EBAG9: variants seen among roughly 807,000 people sequenced by gnomAD.
EBAG9 encodes the protein receptor-binding cancer antigen expressed on SiSo cells.
A neutral mutation model predicts 30.9 loss-of-function variants in EBAG9; 16 were observed. That is an observed-to-expected ratio of 0.52 (90% CI 0.35 to 0.79). The LOEUF is 0.79. EBAG9 is among the 30% of genes least tolerant of loss of function. EBAG9 has a pLI of 0.01. For missense variants in EBAG9, 197 were observed against 242.1 expected, an observed-to-expected ratio of 0.81 and a Z score of 1.24; for synonymous variants, 93 against 82.8, an observed-to-expected ratio of 1.12 and a Z score of -0.67.
upstream of EBAG9, chr8:109,539,883 G>C (rs1246634448): frequency 2.0e-5 from 3 of 152,318 alleles, no homozygotes; most frequent in Non-Finnish European, 4.4e-5. Context: ...CGGCAGCTCG[G>C]AGCCTCCGCC....
chr8:109,555,924 A>G (rs2131121912), intron 4 of EBAG9, among the ~76,000 whole-genome samples: 1 of 152,280 alleles, frequency 6.6e-6, no homozygotes, highest in South Asian at 2.1e-4. Flanking sequence ...CAGCCACTCA[A>G]TAATTTTCTG....
Position 109,564,761 on chromosome 8 carries a change from A to G in EBAG9, c.*202A>G. ...CTCAAAAAAACAAAAAAGACTTGAG[A>G]CAATGTTTTCTTCAACATGCTCCAA... On this transcript the variant is annotated 3_prime_UTR_variant, in exon 7 of 7. Coordinates refer to ENST00000337573, the MANE Select transcript of EBAG9 (RefSeq NM_004215.5). 3.7e-6 allele frequency: 2 copies of G among 536,854 alleles called. No individual in the cohort carries two copies. Among genetic ancestry groups the G allele is most frequent in the Non-Finnish European group, 6.1e-6 (2 of 325,362 alleles). The allele number at this position is 536,854 out of a possible 1,614,324, so 33.3% of individuals were successfully genotyped here.
At chr8:109,563,517 C>T (rs778866951) in intron 6 of EBAG9, 13 of 1,595,864 alleles carry the variant, frequency 8.1e-6, no homozygotes, top group East Asian at 6.7e-5. Context: ...AGTGGAGTTA[C>T]GGAAAGAGTA....
chr8:109,550,801 C>T lies in EBAG9; in HGVS notation c.-15-9C>T. On this transcript the variant is annotated splice_polypyrimidine_tract_variant and intron_variant, in intron 1 of 6. Coordinates refer to ENST00000337573, the MANE Select transcript of EBAG9 (RefSeq NM_004215.5). ...TTAATGCATTTTTTGTTTTGTGCCT[C>T]TTCCACAGGTTTTGATTCCCACCAT... 1 of 1,555,166 alleles carries T rather than the reference C, an allele frequency of 6.4e-7. No homozygotes were observed. Among genetic ancestry groups the T allele is most frequent in the Non-Finnish European group, 8.8e-7 (1 of 1,133,086 alleles).
At chr8:109,558,950 TC>T (rs1821658285) in intron 5 of EBAG9, among the ~76,000 whole-genome samples, 2 of 152,134 alleles carry the variant, frequency 1.3e-5, no homozygotes, top group Admixed American at 1.3e-4. Context: ...ATCAATGGTT[TC>T]CCCCTTTTCC....
intron 5 of EBAG9, among the ~76,000 whole-genome samples, chr8:109,559,552 T>G (rs1821670798): frequency 6.6e-6 from 1 of 152,056 alleles, no homozygotes; most frequent in Non-Finnish European, 1.5e-5. Context: ...TGGCTCACAC[T>G]TGTAATCCCA....
At position 109,565,380 on chromosome 8, in the gene EBAG9, A is replaced by G. The variant is rs1197975860; in HGVS notation, c.*821A>G. The G allele has an allele frequency of 6.6e-6, 1 of 152,090 alleles. No individual in the cohort carries two copies. The highest frequency in any genetic ancestry group is 1.5e-5 in the Non-Finnish European group (1 of 67,952). The allele number at this position is 152,090 out of a possible 1,614,324, so 9.4% of individuals were successfully genotyped here. A position where few individuals can be genotyped will look rare whatever the true frequency, so the allele number is the denominator to read the frequency against. On this transcript the variant is annotated 3_prime_UTR_variant, in exon 7 of 7. Coordinates refer to ENST00000337573, the MANE Select transcript of EBAG9 (RefSeq NM_004215.5). ...TAGTTCTTCCTTCCTCCCAAAAGCC[A>G]TTAATTTACAAATGCTTAAAGCCAT...
In EBAG9 at chr8:109,549,092, AT is replaced by A. The variant is rs985741091; in HGVS notation, c.-15-1707del. 3.2e-3 allele frequency among the ~76,000 whole-genome samples: 468 copies of A among 145,914 alleles called. 3 individuals are homozygous for A. Among genetic ancestry groups the A allele is most frequent in the African/African-American group, 0.01 (406 of 40,104 alleles). On this transcript the variant is annotated intron_variant, in intron 1 of 6. Transcript: ENST00000337573. ...GAAAGTTCCCTTATACTTTGCTGCA[AT>A]TTTTTTTTTTAACAGGAATGGATGT...
At chr8:109,556,827 A>G (rs1276450427) in intron 4 of EBAG9, 108 bp from the exon 5 acceptor site, 4 of 510,750 alleles carry the variant, frequency 7.8e-6, no homozygotes, top group Non-Finnish European at 1.3e-5. Flanking sequence ...TTTACATTAT[A>G]AATTTTAAGA....
chr8:109,559,186 G>A (rs1821662292), intron 5 of EBAG9, among the ~76,000 whole-genome samples: 1 of 152,160 alleles, frequency 6.6e-6, no homozygotes, highest in East Asian at 1.9e-4. Context: ...GCCCAGTGAG[G>A]TGTTACATGC....
chr8:109,541,872 GTGAT>G (rs1396335714), intron 1 of EBAG9, among the ~76,000 whole-genome samples: 4 of 152,212 alleles, frequency 2.6e-5, no homozygotes, highest in African/African-American at 9.7e-5. Context: ...GCCAGTCAGT[GTGAT>G]TGATAAAATC....
chr8:109,563,972 G>GT (rs1303094395), intron 6 of EBAG9, among the ~76,000 whole-genome samples: 3 of 151,936 alleles, frequency 2.0e-5, no homozygotes, highest in Non-Finnish European at 4.4e-5. Flanking sequence ...GTTCAGCTGT[G>GT]TTCATCATGC....
intron 1 of EBAG9, among the ~76,000 whole-genome samples, chr8:109,545,845 T>A (rs1821374018): frequency 6.6e-6 from 1 of 152,224 alleles, no homozygotes; most frequent in Non-Finnish European, 1.5e-5. Context: ...TCCAGTTCTA[T>A]AACTTATCAG....
intron 4 of EBAG9, 114 bp from the exon 5 acceptor site, chr8:109,556,821 C>T: frequency 2.1e-6 from 1 of 482,118 alleles, no homozygotes; most frequent in South Asian, 6.7e-5. Context: ...TTAGTTTTTA[C>T]ATTATAAATT....
intron 1 of EBAG9, among the ~76,000 whole-genome samples, chr8:109,542,543 A>G (rs1821297290): frequency 1.3e-5 from 2 of 152,184 alleles, no homozygotes; most frequent in Admixed American, 1.3e-4. Context: ...TTCCCTGCCA[A>G]GTACCACACG....
At chr8:109,545,853 C>A (rs1243692075) in intron 1 of EBAG9, among the ~76,000 whole-genome samples, 1 of 152,174 alleles carries the variant, frequency 6.6e-6, no homozygotes, top group Non-Finnish European at 1.5e-5. Context: ...TATAACTTAT[C>A]AGTTCTGTAT....
At chr8:109,540,536 C>G (rs1006885423) in intron 1 of EBAG9, 75 bp downstream of exon 1, 10 of 150,724 alleles carry the variant, frequency 6.6e-5, no homozygotes, top group Non-Finnish European at 1.0e-4. Context: ...GAAACTCTTT[C>G]CTTTTGAGTT....
At chr8:109,543,668 A>G (rs1002663514) in intron 1 of EBAG9, among the ~76,000 whole-genome samples, 1 of 152,094 alleles carries the variant, frequency 6.6e-6, no homozygotes, top group African/African-American at 2.4e-5. Flanking sequence ...ATTCAATGTA[A>G]TATTTTATTA....
At chr8:109,553,666 A>T (rs1821538145) in intron 2 of EBAG9, among the ~76,000 whole-genome samples, 199 bp from the exon 3 acceptor site, 1 of 152,236 alleles carries the variant, frequency 6.6e-6, no homozygotes, top group Non-Finnish European at 1.5e-5. Context: ...TGTTCTGTCC[A>T]AGATTTAAAA....
Sources: allele counts gnomAD v4.1 joint callset (sites outside exome capture counted in the v4.1 genomes callset), GRCh38; gene constraint gnomAD v4.1.1; transcripts MANE v1.5; gene names NCBI Gene and HGNC (gene_info 2026-07-23, HGNC 2026-07-21).